Variants in PLXNA4 observed in about 807,000 individuals in gnomAD.
PLXNA4 encodes the protein plexin A4.
In PLXNA4, 44 loss-of-function variants were observed where a neutral mutation model predicts 191.8. That is an observed-to-expected ratio of 0.23 (90% confidence interval 0.18 to 0.29). The LOEUF (loss-of-function observed/expected upper bound fraction) is 0.29, where lower values mean the gene tolerates loss of function less well. PLXNA4 is among the 10% of genes least tolerant of loss of function. PLXNA4 has a pLI of 1.00. For missense variants in PLXNA4, 1,800 were observed against 2,488.8 expected, an observed-to-expected ratio of 0.72 and a Z score of 5.89; for synonymous variants, 1,082 against 1,009.5, an observed-to-expected ratio of 1.07 and a Z score of -1.36.
intron 23 of PLXNA4, 143 bp from the exon 24 acceptor site, chr7:132,164,431 T>C: frequency 7.9e-7 from 1 of 1,267,856 alleles, no homozygotes; most frequent in Admixed American, 2.7e-5. Context: ...AGCTCTTCAA[T>C]CTCCTTCTCT....
chr7:132,452,933 G>A (rs111851953), intron 3 of PLXNA4, among the ~76,000 whole-genome samples: 1,742 of 152,244 alleles, frequency 0.011, 16 homozygotes, highest in Middle Eastern at 0.044. Flanking sequence ...GGGTAGAGGC[G>A]GGAACCTGGG....
intron 25 of PLXNA4, among the ~76,000 whole-genome samples, chr7:132,149,539 G>A (rs966578385): frequency 2.6e-5 from 4 of 152,124 alleles, no homozygotes; most frequent in South Asian, 2.1e-4. Context: ...ATGAGCTCAC[G>A]CATCCACACA....
chr7:132,458,419 C>G (rs1423723172), intron 3 of PLXNA4, among the ~76,000 whole-genome samples: 1 of 151,888 alleles, frequency 6.6e-6, no homozygotes, highest in Admixed American at 6.6e-5. Flanking sequence ...TTCAAATGTT[C>G]ATCAACAATA....
Position 132,508,772 on chromosome 7 carries a change from C to T in PLXNA4, c.-79G>A. Reference sequence around the variant, plus strand: ...GAGGGCCAGGACTCAGCAATGCAGTCTCCCCTACTGGAGAAAGGGAAGACA... The same window carrying T: ...GAGGGCCAGGACTCAGCAATGCAGTTTCCCCTACTGGAGAAAGGGAAGACA... On this transcript the variant is annotated 5_prime_UTR_variant, in exon 2 of 32. Coordinates refer to ENST00000321063, the MANE Select transcript of PLXNA4 (RefSeq NM_020911.2). The surrounding 1 kb of genome is among the most constrained non-coding windows in gnomAD (Gnocchi z 4.4). 3.5e-6 allele frequency: 5 copies of T among 1,437,854 alleles called. No homozygotes were observed. The highest frequency in any genetic ancestry group is 4.5e-6 in the Non-Finnish European group (5 of 1,100,068). 89.1% of individuals were successfully genotyped at this position (1,437,854 alleles called of 1,614,324 possible).
At chr7:132,394,569 T>C (rs1793669282) in intron 3 of PLXNA4, among the ~76,000 whole-genome samples, 1 of 152,250 alleles carries the variant, frequency 6.6e-6, no homozygotes, top group Non-Finnish European at 1.5e-5. Context: ...TTTTCACTTC[T>C]GCTCTGTTGT....
At chr7:132,387,208 T>C (rs190996812) in intron 3 of PLXNA4, among the ~76,000 whole-genome samples, 1 of 152,362 alleles carries the variant, frequency 6.6e-6, no homozygotes, top group East Asian at 1.9e-4. Flanking sequence ...ACCTGTGAAC[T>C]TGCAAGAAAT....
At chr7:132,467,359 G>T (rs138337868) in intron 3 of PLXNA4, among the ~76,000 whole-genome samples, 3 of 152,136 alleles carry the variant, frequency 2.0e-5, no homozygotes, top group Non-Finnish European at 2.9e-5. Flanking sequence ...TCAGGGTTCC[G>T]CCTGAGACCG....
Position 132,507,599 on chromosome 7 carries a change from G to T in PLXNA4, c.1095C>A (p.Asp365Glu). The T allele has an allele frequency of 6.2e-7, 1 of 1,614,186 alleles. No homozygotes were observed. Among genetic ancestry groups the T allele is most frequent in the Non-Finnish European group, 8.5e-7 (1 of 1,180,036 alleles). ...LCIFILKQIN[D>E]RIKERLQSCY... ...AAGACTGCAGCCGCTCCTTAATGCG[G>T]TCATTTATCTGCTTCAAGATGAAGA... Residue 365 changes from aspartate (D) to glutamate (E), a missense_variant, in exon 2 of 32, where the codon GAC becomes GAA. By Grantham distance (45) the Asp-to-Glu change is conservative (BLOSUM62 2). Around this residue, in one of 6 missense-constraint regions of PLXNA4, gnomAD observed 1,397 missense variants for 1,880.4 expected, o/e 0.74. Transcript: ENST00000321063.
intron 10 of PLXNA4, among the ~76,000 whole-genome samples, chr7:132,208,010 A>G (rs1797681392): frequency 6.6e-6 from 1 of 152,204 alleles, no homozygotes; most frequent in Non-Finnish European, 1.5e-5. Flanking sequence ...CCTCATCTGT[A>G]ACAGGATTAA....
intron 1 of PLXNA4, among the ~76,000 whole-genome samples, chr7:132,572,439 T>C (rs113833063): frequency 0.038 from 5,779 of 152,286 alleles, 253 homozygotes; most frequent in African/African-American, 0.1. Context: ...AGCCTCTTCC[T>C]TTGGGAGGCT....
rs1801172849 is a variant in PLXNA4, at chr7:132,298,148, G to A, written c.1446C>T (p.Leu482=). 5 of 1,614,194 alleles carry A rather than the reference G, an allele frequency of 3.1e-6. No homozygotes were observed. The East Asian group carries it at 1.1e-4, about 36-fold the overall frequency. The change falls in exon 4 of 32, where the codon CTC becomes CTT. Residue 482 remains leucine (L), a synonymous_variant. Transcript: ENST00000321063. ...TVQVVDPGPV[L]RDMAFSKDHE... is the part of the protein sequence containing the mutation. ...GGTCCTTGGAGAAGGCCATATCCCG[G>A]AGGACTGGGCCGGGGTCCACCACCT... is the stretch of plus-strand genomic sequence containing the variant.
At position 132,522,152 on chromosome 7, in the gene PLXNA4, G is replaced by T. The variant is rs115154438; in HGVS notation, c.-86-13373C>A. On this transcript the variant is annotated intron_variant, in intron 1 of 31. Coordinates refer to ENST00000321063, the MANE Select transcript of PLXNA4 (RefSeq NM_020911.2). ...AATCCACTCTGTGGATCAGTTCCAC[G>T]GACACAGACACAGCATGCTCCATGC... Among the ~76,000 whole-genome samples, 1,014 of 152,206 alleles carry T rather than the reference G, an allele frequency of 6.7e-3. 13 individuals carry two copies. The highest frequency in any genetic ancestry group is 0.023 in the African/African-American group (964 of 41,530).
At chr7:132,402,890 A>G (rs924777516) in intron 3 of PLXNA4, among the ~76,000 whole-genome samples, 1 of 152,226 alleles carries the variant, frequency 6.6e-6, no homozygotes, top group South Asian at 2.1e-4. Context: ...ACGCCCACCC[A>G]TTGACCCCCA....
chr7:132,127,419 A>G lies in PLXNA4; in HGVS notation c.*3060T>C, dbSNP rs1563044108. ...CGCAAGCCACATGGACAGCCCCTGG[A>G]TGTTTGCTCTGCCAGTGGGGTAAGG... is the stretch of plus-strand genomic sequence containing the variant. On this transcript the variant is annotated 3_prime_UTR_variant, in exon 32 of 32. Coordinates refer to ENST00000321063, the MANE Select transcript of PLXNA4 (RefSeq NM_020911.2). 6.6e-6 allele frequency: 1 copy of G among 152,042 alleles called. No homozygotes were observed. Among genetic ancestry groups the G allele is most frequent in the African/African-American group, 2.4e-5 (1 of 41,380 alleles). 9.4% of individuals were successfully genotyped at this position (152,042 alleles called of 1,614,324 possible).
chr7:132,394,580 T>G (rs1055480513), intron 3 of PLXNA4, among the ~76,000 whole-genome samples: 14 of 152,230 alleles, frequency 9.2e-5, no homozygotes, highest in Non-Finnish European at 2.9e-5. Flanking sequence ...GCTCTGTTGT[T>G]AACCTACTGT....
At chr7:132,226,301 C>T (rs372611271) in intron 7 of PLXNA4, 41 bp from the exon 8 acceptor site, 78 of 1,542,410 alleles carry the variant, frequency 5.1e-5, no homozygotes, top group Non-Finnish European at 6.6e-5. Context: ...AATGCTGAGG[C>T]CCCAAGCCAG....
Position 132,155,571 on chromosome 7 carries a change from C to T in PLXNA4, c.4660+3902G>A, listed in dbSNP as rs139210862. On this transcript the variant is annotated intron_variant, in intron 25 of 31. Transcript: ENST00000321063. The stretch of plus-strand genomic sequence containing the variant: ...AACAGGTACCTACCCTGCCCAGATA[C>T]CTGTGGGTGGAAAGGGACATTTTAA... Among the ~76,000 whole-genome samples, 5 of 152,294 alleles carry T rather than the reference C, an allele frequency of 3.3e-5. No individual in the cohort carries two copies. The East Asian group carries it at 5.8e-4, about 18-fold the overall frequency.
intron 20 of PLXNA4, among the ~76,000 whole-genome samples, chr7:132,177,835 G>A (rs746747090): frequency 6.6e-6 from 1 of 152,226 alleles, no homozygotes; most frequent in African/African-American, 2.4e-5. Flanking sequence ...CAAGGCGGAT[G>A]CTGTGTTGAC....
chr7:132,336,591 C>A (rs764225947), intron 3 of PLXNA4, among the ~76,000 whole-genome samples: 1 of 152,128 alleles, frequency 6.6e-6, no homozygotes, highest in Admixed American at 6.6e-5. Context: ...TGAGCATCTA[C>A]TATGTGCTAG....
Sources: allele counts gnomAD v4.1 joint callset (sites outside exome capture counted in the v4.1 genomes callset), GRCh38; gene constraint gnomAD v4.1.1; regional missense constraint gnomAD v4.1.1; non-coding constraint Gnocchi (gnomAD v3.1); transcripts MANE v1.5; gene names NCBI Gene and HGNC (gene_info 2026-07-23, HGNC 2026-07-21).